The following DIAPH3 variants were observed in gnomAD, a reference collection of about 807,000 sequenced individuals.
The protein encoded by DIAPH3 is protein diaphanous homolog 3.
DIAPH3 carries 117 observed loss-of-function variants against 144.3 expected under a neutral mutation model. The ratio of observed to expected loss-of-function variants is 0.81; its 90% confidence interval spans 0.70 to 0.95. DIAPH3 has a LOEUF of 0.95. DIAPH3 is among the 40% of genes least tolerant of loss of function. The pLI, the probability that DIAPH3 is intolerant of heterozygous loss-of-function variation, is 0.00. For synonymous variants in DIAPH3, 519 were observed against 488.9 expected, an observed-to-expected ratio of 1.06 and a Z score of -0.81; for missense variants, 1,421 against 1,412.7, an observed-to-expected ratio of 1.01 and a Z score of -0.09.
chr13:59,749,209 CAAAAAAAAA>C (rs71197276), intron 27 of DIAPH3, among the ~76,000 whole-genome samples: 1 of 25,098 alleles, frequency 4.0e-5, no homozygotes, highest in African/African-American at 1.8e-4. Context: ...GACTCTGTCT[CAAAAAAAAA>C]AAAAAAAAAA....
chr13:59,876,954 C>G (rs1373611634), intron 21 of DIAPH3, among the ~76,000 whole-genome samples: 1 of 152,036 alleles, frequency 6.6e-6, no homozygotes, highest in African/African-American at 2.4e-5. Context: ...AGTTCATAAC[C>G]AGCACACCTT....
intron 22 of DIAPH3, among the ~76,000 whole-genome samples, chr13:59,851,318 TC>T (rs1425563085): frequency 6.6e-6 from 1 of 152,200 alleles, no homozygotes; most frequent in African/African-American, 2.4e-5. Flanking sequence ...CACTTGCTTT[TC>T]CCTTTGCCTG....
At chr13:59,720,302 G>C (rs1478201774) in intron 27 of DIAPH3, among the ~76,000 whole-genome samples, 1 of 152,010 alleles carries the variant, frequency 6.6e-6, no homozygotes, top group Non-Finnish European at 1.5e-5. Flanking sequence ...TGTGGTACAT[G>C]ACTATATTTT....
intron 21 of DIAPH3, among the ~76,000 whole-genome samples, chr13:59,874,525 C>T (rs1439113786): frequency 1.3e-5 from 2 of 151,982 alleles, no homozygotes; most frequent in African/African-American, 4.8e-5. Context: ...TGCCTGCCAC[C>T]CCCTCACCGT....
chr13:60,005,072 C>T (rs1027260533), intron 9 of DIAPH3, among the ~76,000 whole-genome samples: 4 of 152,156 alleles, frequency 2.6e-5, no homozygotes, highest in Admixed American at 6.5e-5. Context: ...CAAATGTTCA[C>T]AGCAGCATTT....
At chr13:60,098,668 A>G (rs573182961) in intron 3 of DIAPH3, among the ~76,000 whole-genome samples, 181 of 152,314 alleles carry the variant, frequency 1.2e-3, no homozygotes, top group African/African-American at 4.0e-3. Flanking sequence ...GGCAATATAA[A>G]CTATTGTGTA....
intron 17 of DIAPH3, among the ~76,000 whole-genome samples, chr13:59,962,730 A>G (rs1402921039): frequency 6.6e-6 from 1 of 151,978 alleles, no homozygotes; most frequent in African/African-American, 2.4e-5. Context: ...AAACACATTT[A>G]CACTCCAGCA....
chr13:59,731,297 C>A (rs1223978210), intron 27 of DIAPH3, among the ~76,000 whole-genome samples: 1 of 152,140 alleles, frequency 6.6e-6, no homozygotes, highest in African/African-American at 2.4e-5. Context: ...ACACAATGAA[C>A]CTCTATGGAA....
intron 17 of DIAPH3, among the ~76,000 whole-genome samples, chr13:59,957,413 G>T (rs1183348983): frequency 6.6e-6 from 1 of 152,104 alleles, no homozygotes; most frequent in African/African-American, 2.4e-5. Flanking sequence ...ATGCTCTCTT[G>T]CCTGCCACCA....
chr13:59,763,655 G>C (rs1007564812), intron 27 of DIAPH3, among the ~76,000 whole-genome samples: 1 of 151,982 alleles, frequency 6.6e-6, no homozygotes, highest in South Asian at 2.1e-4. Flanking sequence ...CTGCACTTCC[G>C]CCTAGGCAAC....
intron 5 of DIAPH3, among the ~76,000 whole-genome samples, chr13:60,035,638 T>G (rs1432381544): frequency 6.6e-6 from 1 of 152,222 alleles, no homozygotes; most frequent in African/African-American, 2.4e-5. Flanking sequence ...AAATATTTAT[T>G]TAATAAGCAA....
chr13:59,933,422 T>G (rs1389677346), intron 17 of DIAPH3, among the ~76,000 whole-genome samples: 1 of 152,188 alleles, frequency 6.6e-6, no homozygotes, highest in Non-Finnish European at 1.5e-5. Context: ...ATAAACACAA[T>G]TTAGCATTCA....
intron 20 of DIAPH3, among the ~76,000 whole-genome samples, chr13:59,891,058 GC>G (rs369935144): frequency 2.4e-4 from 36 of 151,920 alleles, no homozygotes; most frequent in African/African-American, 7.7e-4. Context: ...CATAAGTCCA[GC>G]CTCCTCTTTT....
chr13:59,780,822 T>G (rs1288396231), intron 25 of DIAPH3, among the ~76,000 whole-genome samples: 4 of 152,224 alleles, frequency 2.6e-5, no homozygotes, highest in Admixed American at 6.5e-5. Context: ...AGTTTCCTTT[T>G]GGACATGTTA....
At chr13:59,836,301 C>T (rs186013292) in intron 23 of DIAPH3, among the ~76,000 whole-genome samples, 2 of 151,722 alleles carry the variant, frequency 1.3e-5, no homozygotes, top group Admixed American at 6.6e-5. Context: ...ATTTTCTCAC[C>T]GATAAAAATT....
chr13:59,862,205 A>G (rs986453424), intron 21 of DIAPH3, among the ~76,000 whole-genome samples: 1 of 152,220 alleles, frequency 6.6e-6, no homozygotes, highest in Non-Finnish European at 1.5e-5. Context: ...CTCCAGAATT[A>G]AAGTGTATCT....
chr13:59,727,567 A>G (rs1452733778), intron 27 of DIAPH3, among the ~76,000 whole-genome samples: 7 of 152,180 alleles, frequency 4.6e-5, no homozygotes, highest in Admixed American at 4.6e-4. Flanking sequence ...TGTGTGCGGT[A>G]TGTGTATACA....
chr13:59,933,215 G>A (rs935886449), intron 17 of DIAPH3, among the ~76,000 whole-genome samples: 1 of 152,176 alleles, frequency 6.6e-6, no homozygotes, highest in Non-Finnish European at 1.5e-5. Context: ...TGGGAACTCA[G>A]GCCTGGAATC....
intron 17 of DIAPH3, among the ~76,000 whole-genome samples, chr13:59,968,731 C>T (rs1038972756): frequency 1.3e-4 from 20 of 152,130 alleles, no homozygotes; most frequent in African/African-American, 4.1e-4. Context: ...TTTACAATTA[C>T]CTTTTAGAAA....
Sources: gnomAD v4.1 joint callset for allele counts (sites outside exome capture counted in the v4.1 genomes callset) on GRCh38, gnomAD v4.1.1 for gene constraint, MANE v1.5 for transcripts, NCBI Gene and HGNC (gene_info 2026-07-23, HGNC 2026-07-21) for gene names.